MACROD2: variants seen among roughly 807,000 people sequenced by gnomAD.
MACROD2 encodes ADP-ribose glycohydrolase MACROD2.
MACROD2 carries 36 observed loss-of-function variants against 70.4 expected under a neutral mutation model. That is an observed-to-expected ratio of 0.51 (90% CI 0.39 to 0.68). The LOEUF (loss-of-function observed/expected upper bound fraction) is 0.68. Among genes scored for constraint, MACROD2 ranks in the 30% least tolerant of loss-of-function variants. The probability of loss-of-function intolerance (pLI) is 0.00; values close to 1 mark genes in which losing one functional copy is unlikely to be tolerated. For missense variants in MACROD2, 496 were observed against 538.4 expected, an observed-to-expected ratio of 0.92 and a Z score of 0.78; for synonymous variants, 172 against 178.8, an observed-to-expected ratio of 0.96 and a Z score of 0.30.
chr20:15,051,280 C>T (rs924410328), intron 5 of MACROD2, among the ~76,000 whole-genome samples: 5 of 151,728 alleles, frequency 3.3e-5, no homozygotes, highest in African/African-American at 9.7e-5. Context: ...CTAGTTTCCC[C>T]CAACTTTATC....
At chr20:15,636,076 G>GA (rs57402806) in intron 8 of MACROD2, among the ~76,000 whole-genome samples, 3,232 of 85,720 alleles carry the variant, frequency 0.038, 274 homozygotes, top group African/African-American at 0.12. Flanking sequence ...CCTCTCAAAA[G>GA]AAAAAAAAAA....
intron 3 of MACROD2, among the ~76,000 whole-genome samples, chr20:14,487,103 C>T (rs1050050718): frequency 6.6e-6 from 1 of 152,152 alleles, no homozygotes; most frequent in Non-Finnish European, 1.5e-5. Flanking sequence ...TGGCCCCAGA[C>T]CCACAAAACG....
intron 6 of MACROD2, among the ~76,000 whole-genome samples, chr20:15,247,004 T>A (rs536008298): frequency 6.6e-6 from 1 of 151,908 alleles, no homozygotes; most frequent in South Asian, 2.1e-4. Flanking sequence ...ATACAGAGAG[T>A]AGATTAACGG....
intron 8 of MACROD2, among the ~76,000 whole-genome samples, chr20:15,848,808 G>T (rs2064263809): frequency 6.6e-6 from 1 of 152,060 alleles, no homozygotes; most frequent in East Asian, 1.9e-4. Context: ...GTCATAATTA[G>T]GTCACTCAGA....
chr20:15,734,395 G>A (rs1435858106), intron 8 of MACROD2, among the ~76,000 whole-genome samples: 1 of 152,204 alleles, frequency 6.6e-6, no homozygotes, highest in African/African-American at 2.4e-5. Flanking sequence ...AAGACAGGGT[G>A]CAGAGAGGTA....
chr20:15,418,456 A>T (rs426845), intron 6 of MACROD2, among the ~76,000 whole-genome samples: 1 of 152,026 alleles, frequency 6.6e-6, no homozygotes, highest in Admixed American at 6.6e-5. Flanking sequence ...CACCTGGCCC[A>T]TAGGTTCTTT....
At chr20:14,225,317 A>G (rs2081722240) in intron 3 of MACROD2, among the ~76,000 whole-genome samples, 2 of 152,260 alleles carry the variant, frequency 1.3e-5, no homozygotes, top group African/African-American at 4.8e-5. Context: ...TTTAGTCTGT[A>G]AACATGACTA....
intron 5 of MACROD2, among the ~76,000 whole-genome samples, chr20:14,776,129 A>C (rs1250042489): frequency 6.6e-6 from 1 of 151,988 alleles, no homozygotes; most frequent in African/African-American, 2.4e-5. Context: ...GACTGAACAA[A>C]CCTGAACCCA....
At chr20:15,006,798 C>T (rs1422996933) in intron 5 of MACROD2, among the ~76,000 whole-genome samples, 2 of 152,116 alleles carry the variant, frequency 1.3e-5, no homozygotes, top group African/African-American at 2.4e-5. Flanking sequence ...GCACACTGCT[C>T]TCGGGCTGGC....
At position 15,142,713 on chromosome 20, in the gene MACROD2, C is replaced by T. The variant is rs1025172639; in HGVS notation, c.419-87227C>T. Among the ~76,000 whole-genome samples the T allele has an allele frequency of 9.3e-5, 14 of 150,914 alleles. No homozygotes were observed. In the East Asian group the frequency reaches 9.8e-4, roughly 11 times the overall value. On this transcript the variant is annotated intron_variant, in intron 5 of 17. Transcript: ENST00000684519. ...TGTGTGATGTTCCCCACCCTGTGCCCGAGTGTTCTCATTGTTCAGTTCCCA... is the reference window on the plus strand; with the variant it reads ...TGTGTGATGTTCCCCACCCTGTGCCTGAGTGTTCTCATTGTTCAGTTCCCA...
chr20:15,619,145 T>A (rs1439871990), intron 8 of MACROD2, among the ~76,000 whole-genome samples: 2 of 152,214 alleles, frequency 1.3e-5, no homozygotes, highest in East Asian at 3.9e-4. Flanking sequence ...GTGAGAATCT[T>A]GTAGCCTCAG....
At chr20:15,041,394 A>C (rs900920464) in intron 5 of MACROD2, among the ~76,000 whole-genome samples, 1 of 152,250 alleles carries the variant, frequency 6.6e-6, no homozygotes, top group South Asian at 2.1e-4. Context: ...TCTAGATTTT[A>C]TAGAAGAATA....
Position 15,749,636 on chromosome 20 carries a change from T to C in MACROD2, c.646-113109T>C, listed in dbSNP as rs146285571. Among the ~76,000 whole-genome samples the C allele has an allele frequency of 4.8e-3, 738 of 152,206 alleles. 7 individuals are homozygous for C. Among genetic ancestry groups the C allele is most frequent in the African/African-American group, 0.017 (692 of 41,566 alleles). ...GGCTAATTGTTTTATTTATTGAGAA[T>C]ATAAACTTTCCCTGAAGGCTAAAGT... On this transcript the variant is annotated intron_variant, in intron 8 of 17. Transcript: ENST00000684519.
intron 7 of MACROD2, among the ~76,000 whole-genome samples, chr20:15,496,601 C>G (rs896220360): frequency 1.3e-5 from 2 of 152,084 alleles, no homozygotes; most frequent in Non-Finnish European, 2.9e-5. Flanking sequence ...AGTGTGATTG[C>G]AGTATTTATT....
chr20:14,684,445 A>G (rs1600537036), intron 4 of MACROD2, among the ~76,000 whole-genome samples: 1 of 152,152 alleles, frequency 6.6e-6, no homozygotes, highest in East Asian at 1.9e-4. Flanking sequence ...AGCTCGGGAA[A>G]GAGAGACAAT....
At chr20:14,756,755 CT>C (rs1284405071) in intron 5 of MACROD2, among the ~76,000 whole-genome samples, 1 of 152,052 alleles carries the variant, frequency 6.6e-6, no homozygotes, top group Non-Finnish European at 1.5e-5. Context: ...AAGTGATATG[CT>C]TTGGCTCTGT....
At chr20:15,304,838 T>G (rs2077681622) in intron 6 of MACROD2, among the ~76,000 whole-genome samples, 1 of 152,224 alleles carries the variant, frequency 6.6e-6, no homozygotes, top group African/African-American at 2.4e-5. Flanking sequence ...GCATCAGGAA[T>G]AAAAACTTCC....
intron 3 of MACROD2, among the ~76,000 whole-genome samples, chr20:14,169,315 G>T (rs1338090017): frequency 3.3e-5 from 5 of 151,506 alleles, no homozygotes; most frequent in Non-Finnish European, 5.9e-5. Context: ...TTTTTGGGGG[G>T]GGGCGGTGGA....
At chr20:15,928,815 G>A (rs547076182) in intron 10 of MACROD2, among the ~76,000 whole-genome samples, 1 of 152,242 alleles carries the variant, frequency 6.6e-6, no homozygotes, top group South Asian at 2.1e-4. Flanking sequence ...CTCTTTAAGA[G>A]CATTCCTCTG....
Sources: gnomAD v4.1 joint callset for allele counts (sites outside exome capture counted in the v4.1 genomes callset) on GRCh38, gnomAD v4.1.1 for gene constraint, MANE v1.5 for transcripts, NCBI Gene and HGNC (gene_info 2026-07-23, HGNC 2026-07-21) for gene names.